LARGE1: variants seen among roughly 807,000 people sequenced by gnomAD.
The protein encoded by LARGE1 is xylosyl- and glucuronyltransferase LARGE1.
LARGE1 carries 43 observed loss-of-function variants against 87.6 expected under a neutral mutation model. The observed-to-expected ratio is 0.49, with a 90% CI of 0.38 to 0.63. The LOEUF (loss-of-function observed/expected upper bound fraction) is 0.63. Among genes scored for constraint, LARGE1 ranks in the 30% least tolerant of loss-of-function variants. LARGE1 has a pLI of 0.00. For missense variants in LARGE1, 802 were observed against 1,000.2 expected, an observed-to-expected ratio of 0.80 and a Z score of 2.67; for synonymous variants, 434 against 394.6, an observed-to-expected ratio of 1.10 and a Z score of -1.18.
chr22:33,153,135 C>T, the LARGE1 span, among the ~76,000 whole-genome samples: 1 of 152,170 alleles, frequency 6.6e-6, no homozygotes, highest in African/African-American at 2.4e-5. Flanking sequence ...AACTCTGGAT[C>T]ATCTCTTGGT....
At chr22:33,684,241 A>G (rs77641106) in intron 2 of LARGE1, among the ~76,000 whole-genome samples, 1,714 of 151,892 alleles carry the variant, frequency 0.011, 35 homozygotes, top group African/African-American at 0.039. Context: ...TATGTCATCC[A>G]CTCCCTTCTC....
At chr22:33,879,869 A>G (rs1243687234) in intron 1 of LARGE1, among the ~76,000 whole-genome samples, 1 of 152,216 alleles carries the variant, frequency 6.6e-6, no homozygotes, top group Non-Finnish European at 1.5e-5. Context: ...GTACATGGGA[A>G]TTACTCAGTA....
intron 1 of LARGE1, among the ~76,000 whole-genome samples, chr22:33,857,726 T>C (rs143512378): frequency 1.3e-5 from 2 of 152,252 alleles, no homozygotes; most frequent in African/African-American, 4.8e-5. Context: ...AAAAAATGAC[T>C]AGCCTCCAGG....
chr22:33,459,579 G>A (rs899696623), intron 6 of LARGE1, among the ~76,000 whole-genome samples: 1 of 151,210 alleles, frequency 6.6e-6, no homozygotes, highest in African/African-American at 2.4e-5. Flanking sequence ...ACATTGCACT[G>A]CCAGCCCAGA....
chr22:33,508,642 A>T (rs577839351), intron 6 of LARGE1, among the ~76,000 whole-genome samples: 1 of 152,190 alleles, frequency 6.6e-6, no homozygotes, highest in African/African-American at 2.4e-5. Context: ...TACAACGTAC[A>T]TCCATGACAT....
At chr22:33,900,058 G>A (rs1039324640) in intron 1 of LARGE1, among the ~76,000 whole-genome samples, 2 of 152,120 alleles carry the variant, frequency 1.3e-5, no homozygotes, top group African/African-American at 4.8e-5. Flanking sequence ...TGCCCCAAGT[G>A]AACCTCTGTT....
rs1928682239 is a variant in LARGE1, at chr22:33,274,138, G to C, written c.*289C>G. ...CCCTGATCTTGTGGCTTTGCAGTAA[G>C]ATGATAACCCTTTTACTCCCTGTCA... On this transcript the variant is annotated 3_prime_UTR_variant, in exon 15 of 15. Coordinates refer to ENST00000397394, the MANE Select transcript of LARGE1 (RefSeq NM_133642.5). 1.8e-6 allele frequency: 1 copy of C among 549,880 alleles called. No homozygotes were observed. The highest frequency in any genetic ancestry group is 3.1e-5 in the Admixed American group (1 of 32,346). The allele number at this position is 549,880 out of a possible 1,614,324, so 34.1% of individuals were successfully genotyped here.
chr22:33,824,980 A>G (rs5754706), intron 1 of LARGE1, among the ~76,000 whole-genome samples: 76,253 of 152,034 alleles, frequency 0.5, 19,347 homozygotes, highest in South Asian at 0.65. Flanking sequence ...CATCCCAGGA[A>G]CACTTTGGGT....
chr22:33,236,795 A>G (rs144784989), intron 11 of LARGE1, among the ~76,000 whole-genome samples: 2 of 152,296 alleles, frequency 1.3e-5, no homozygotes, highest in East Asian at 1.9e-4. Context: ...ACAGGAATTG[A>G]GTAGATGTGG....
At chr22:33,672,470 ATGCTCAGCCAGCCC>A (rs971942593) in intron 2 of LARGE1, among the ~76,000 whole-genome samples, 1 of 152,252 alleles carries the variant, frequency 6.6e-6, no homozygotes, top group East Asian at 1.9e-4. Context: ...TCCTGGTTCC[ATGCTCAGCCAGCCC>A]TGCTCTCCTG....
intron 2 of LARGE1, 61 bp from the exon 3 acceptor site, chr22:33,650,729 A>C: frequency 6.3e-7 from 1 of 1,577,086 alleles, no homozygotes; most frequent in Non-Finnish European, 8.6e-7. Flanking sequence ...AGCCCCTCCA[A>C]GTTCCCCAGA....
At chr22:33,678,218 A>C (rs2081639795) in intron 2 of LARGE1, among the ~76,000 whole-genome samples, 1 of 152,214 alleles carries the variant, frequency 6.6e-6, no homozygotes, top group Admixed American at 6.5e-5. Context: ...TGCATGTGGA[A>C]AGGGTTCTTA....
At chr22:33,448,395 AC>A (rs2147889146) in intron 6 of LARGE1, among the ~76,000 whole-genome samples, 1 of 152,358 alleles carries the variant, frequency 6.6e-6, no homozygotes, top group East Asian at 1.9e-4. Context: ...CTTAGTATAT[AC>A]AATTTTATTT....
chr22:33,688,289 A>G (rs751872550), intron 2 of LARGE1, among the ~76,000 whole-genome samples: 11 of 152,202 alleles, frequency 7.2e-5, no homozygotes, highest in Non-Finnish European at 1.5e-4. Flanking sequence ...GCAGTAGGTT[A>G]AGTGTTCATC....
At chr22:33,878,348 C>T (rs949500326) in intron 1 of LARGE1, among the ~76,000 whole-genome samples, 2 of 151,562 alleles carry the variant, frequency 1.3e-5, no homozygotes, top group Non-Finnish European at 2.9e-5. Context: ...CCAGGCTGGT[C>T]GCAAACTCCT....
At chr22:33,586,456 CTT>C (rs130421) in intron 5 of LARGE1, among the ~76,000 whole-genome samples, 20,891 of 140,134 alleles carry the variant, frequency 0.15, 1,656 homozygotes, top group African/African-American at 0.22. Flanking sequence ...AACAAGATTT[CTT>C]TTTTTTTTTT....
chr22:33,692,669 T>G (rs1291468688), intron 2 of LARGE1, among the ~76,000 whole-genome samples: 1 of 152,238 alleles, frequency 6.6e-6, no homozygotes, highest in East Asian at 1.9e-4. Flanking sequence ...TTTCAATATG[T>G]GTATATATCA....
rs143077289 is a variant in LARGE1 at position 33,339,524 on chromosome 22, G to A, written c.1132-1723C>T. ...TCAGAAAGATCACTCTATTCATAATGAAGAAGATGCAAGTCGCAGGATGGG... is the reference window on the plus strand; with the variant it reads ...TCAGAAAGATCACTCTATTCATAATAAAGAAGATGCAAGTCGCAGGATGGG... On this transcript the variant is annotated intron_variant, in intron 9 of 14. Coordinates refer to ENST00000397394, the MANE Select transcript of LARGE1 (RefSeq NM_133642.5). 1.9e-3 allele frequency among the ~76,000 whole-genome samples: 287 copies of A among 152,178 alleles called. 2 individuals are homozygous for A. Among genetic ancestry groups the A allele is most frequent in the African/African-American group, 6.2e-3 (256 of 41,532 alleles).
intron 6 of LARGE1, among the ~76,000 whole-genome samples, chr22:33,533,386 C>G (rs2076951762): frequency 6.6e-6 from 1 of 152,164 alleles, no homozygotes; most frequent in African/African-American, 2.4e-5. Flanking sequence ...GAGCACCTTC[C>G]TTTTTTCAAT....
Sources: gnomAD v4.1 joint callset for allele counts (sites outside exome capture counted in the v4.1 genomes callset) on GRCh38, gnomAD v4.1.1 for gene constraint, MANE v1.5 for transcripts, NCBI Gene and HGNC (gene_info 2026-07-23, HGNC 2026-07-21) for gene names.